Variants in KALRN observed in about 807,000 individuals in gnomAD.
KALRN encodes the protein kalirin.
Under a neutral mutation model 353.7 loss-of-function variants are expected in KALRN, and 70 were observed. That is an observed-to-expected ratio of 0.20 (90% CI 0.16 to 0.24). The LOEUF (loss-of-function observed/expected upper bound fraction) is 0.24, where lower values mean the gene tolerates loss of function less well. Among genes scored for constraint, KALRN ranks in the 10% least tolerant of loss-of-function variants. The pLI, the probability that KALRN is intolerant of heterozygous loss-of-function variation, is 1.00. For synonymous variants in KALRN, 1,391 were observed against 1,434.8 expected (o/e 0.97, Z 0.69); for missense variants, 2,791 against 3,756.7 (o/e 0.74, Z 6.72).
At chr3:124,415,682 A>G (rs1258372805) in intron 14 of KALRN, among the ~76,000 whole-genome samples, 1 of 152,236 alleles carries the variant, frequency 6.6e-6, no homozygotes, top group Non-Finnish European at 1.5e-5. Context: ...AGTGTTGCTT[A>G]AATAGTCTAA....
In KALRN at chr3:124,696,198, T is replaced by G; in HGVS notation, c.7642T>G (p.Cys2548Gly). 6.2e-7 allele frequency: 1 copy of G among 1,613,942 alleles called. No homozygotes were observed. Residue 2548 changes from cysteine to glycine, a missense_variant, in exon 54 of 60, where the codon TGC (cysteine) becomes GGC (glycine). Physicochemically the swap from Cys to Gly is radical, Grantham distance 159 (BLOSUM62 -3). Transcript: ENST00000682506. Reference protein sequence around the residue: ...LMPQDSGIYTCIATNDHGTTS... With the variant: ...LMPQDSGIYTGIATNDHGTTS... ...GCCCCAAGACAGTGGGATTTATACCTGCATAGCAACAAATGACCACGGGAC... is the reference window on the plus strand; with the variant it reads ...GCCCCAAGACAGTGGGATTTATACCGGCATAGCAACAAATGACCACGGGAC...
At chr3:124,097,809 C>T (rs2061554154) in intron 1 of KALRN, among the ~76,000 whole-genome samples, 1 of 152,218 alleles carries the variant, frequency 6.6e-6, no homozygotes, top group African/African-American at 2.4e-5. Flanking sequence ...CAGTGTACTA[C>T]CAGCTTGTTC....
intron 22 of KALRN, among the ~76,000 whole-genome samples, 167 bp downstream of exon 22, chr3:124,455,526 A>G (rs902251387): frequency 6.6e-6 from 1 of 152,272 alleles, no homozygotes; most frequent in Admixed American, 6.5e-5. Context: ...TGCTGGGTGG[A>G]TCTTGCTGAT....
At chr3:124,120,711 AATATATATATATAT>A (rs368470724) in intron 1 of KALRN, among the ~76,000 whole-genome samples, 84 of 98,946 alleles carry the variant, frequency 8.5e-4, no homozygotes, top group Admixed American at 4.2e-3. Context: ...GAATACTAAA[AATATATATATATAT>A]ATATATATAT....
chr3:124,391,292 T>A (rs1000226494), intron 11 of KALRN, among the ~76,000 whole-genome samples: 1 of 152,070 alleles, frequency 6.6e-6, no homozygotes, highest in Admixed American at 6.5e-5. Flanking sequence ...GAAGGTACAG[T>A]GCTATAATGT....
chr3:124,139,635 A>G (rs187080400), intron 1 of KALRN, among the ~76,000 whole-genome samples: 1 of 152,278 alleles, frequency 6.6e-6, no homozygotes, highest in Admixed American at 6.5e-5. Flanking sequence ...GGTCAGATAC[A>G]TGGTAGAAAA....
chr3:124,166,356 T>C (rs1185481675), intron 1 of KALRN, among the ~76,000 whole-genome samples: 1 of 152,196 alleles, frequency 6.6e-6, no homozygotes, highest in Non-Finnish European at 1.5e-5. Flanking sequence ...GTGCCTAGTG[T>C]AGTGACTGGA....
At chr3:124,278,784 C>T (rs2075048277) in intron 5 of KALRN, among the ~76,000 whole-genome samples, 1 of 152,136 alleles carries the variant, frequency 6.6e-6, no homozygotes. Flanking sequence ...TCTGGTCACT[C>T]CCTAGAGCCC....
intron 11 of KALRN, among the ~76,000 whole-genome samples, chr3:124,388,130 C>T (rs1172828940): frequency 1.3e-5 from 2 of 152,004 alleles, no homozygotes; most frequent in East Asian, 3.9e-4. Flanking sequence ...ATTTCCAGAT[C>T]TATTTTCTTA....
chr3:124,180,244 G>A (rs867265282), intron 1 of KALRN, among the ~76,000 whole-genome samples: 2 of 152,184 alleles, frequency 1.3e-5, no homozygotes, highest in South Asian at 4.1e-4. Context: ...CGAGTGCCTG[G>A]TTTTTCTCTT....
chr3:124,288,923 A>G (rs1001687004), intron 5 of KALRN, among the ~76,000 whole-genome samples: 10 of 152,212 alleles, frequency 6.6e-5, no homozygotes, highest in African/African-American at 2.2e-4. Flanking sequence ...TTAAGAGGAT[A>G]TTAATATTGA....
chr3:124,568,300 A>G (rs1554034255), intron 34 of KALRN, among the ~76,000 whole-genome samples: 1 of 152,242 alleles, frequency 6.6e-6, no homozygotes, highest in Non-Finnish European at 1.5e-5. Flanking sequence ...AAACAACAAT[A>G]ACATGTCACT....
chr3:124,554,118 G>A (rs528553197), intron 33 of KALRN, among the ~76,000 whole-genome samples: 2 of 152,360 alleles, frequency 1.3e-5, no homozygotes, highest in South Asian at 4.1e-4. Context: ...CACTTTGGGA[G>A]GCCAGGGTGG....
intron 4 of KALRN, among the ~76,000 whole-genome samples, chr3:124,267,477 C>T (rs1390875363): frequency 6.6e-6 from 1 of 152,224 alleles, no homozygotes; most frequent in African/African-American, 2.4e-5. Context: ...ACTCTACTTG[C>T]ACATTAGAAT....
chr3:124,243,315 T>C (rs1253280304), intron 3 of KALRN, among the ~76,000 whole-genome samples: 1 of 152,076 alleles, frequency 6.6e-6, no homozygotes, highest in Non-Finnish European at 1.5e-5. Context: ...GGACAGGTTG[T>C]AGGGAGTGGG....
intron 34 of KALRN, among the ~76,000 whole-genome samples, chr3:124,586,479 C>T (rs2075197953): frequency 6.6e-6 from 1 of 152,176 alleles, no homozygotes. Flanking sequence ...CTTGCTGGCC[C>T]TTGCTTTGTT....
At chr3:124,688,252 G>T (rs1342091186) in intron 51 of KALRN, among the ~76,000 whole-genome samples, 1 of 150,126 alleles carries the variant, frequency 6.7e-6, no homozygotes, top group Non-Finnish European at 1.5e-5. Context: ...ACTTGCAGCT[G>T]CAGTGAGTGG....
At chr3:124,215,396 G>T (rs1439052658) in intron 1 of KALRN, among the ~76,000 whole-genome samples, 1 of 152,132 alleles carries the variant, frequency 6.6e-6, no homozygotes, top group African/African-American at 2.4e-5. Flanking sequence ...TTTAGCTGCC[G>T]TTTTCTGAGT....
chr3:124,090,581 G>A (rs1171116650), intron 1 of KALRN, among the ~76,000 whole-genome samples: 2 of 152,208 alleles, frequency 1.3e-5, no homozygotes, highest in Admixed American at 6.5e-5. Flanking sequence ...GAGGAGAGAG[G>A]CCCCTCTGCC....
Sources: gnomAD v4.1 joint callset for allele counts (sites outside exome capture counted in the v4.1 genomes callset) on GRCh38, gnomAD v4.1.1 for gene constraint, MANE v1.5 for transcripts, NCBI Gene and HGNC (gene_info 2026-07-23, HGNC 2026-07-21) for gene names.